MYOF: variants seen among roughly 807,000 people sequenced by gnomAD.
MYOF encodes fer-1-like 3, myoferlin.
Under a neutral mutation model 284.2 loss-of-function variants are expected in MYOF, and 244 were observed. The ratio of observed to expected loss-of-function variants is 0.86; its 90% CI spans 0.77 to 0.95. MYOF has a LOEUF of 0.95. MYOF is among the 40% of genes least tolerant of loss of function. The pLI is 0.00. For missense variants in MYOF, 2,496 were observed against 2,560.6 expected, an observed-to-expected ratio of 0.97 and a Z score of 0.54; for synonymous variants, 904 against 919.7, an observed-to-expected ratio of 0.98 and a Z score of 0.31.
Position 93,319,854 on chromosome 10 carries a change from G to C in MYOF, c.5598+18C>G. The C allele has an allele frequency of 6.2e-7, 1 of 1,613,826 alleles. No homozygotes were observed. The highest frequency in any genetic ancestry group is 8.5e-7 in the Non-Finnish European group (1 of 1,179,900). On this transcript the variant is annotated intron_variant, in intron 49 of 53. Transcript: ENST00000359263. ...GATCCATGATACCCACTTCCCAGCGGCATATTTCAGAGCTCACTTTTTTCG... is the reference window on the plus strand; with the variant it reads ...GATCCATGATACCCACTTCCCAGCGCCATATTTCAGAGCTCACTTTTTTCG...
At chr10:93,443,362 C>CTCAGT (rs939997322) in intron 3 of MYOF, among the ~76,000 whole-genome samples, 90 of 152,258 alleles carry the variant, frequency 5.9e-4, no homozygotes, top group African/African-American at 2.0e-3. Flanking sequence ...AGTTTCCTCA[C>CTCAGT]TCAGTTCTCA....
rs1197732953 is a variant in MYOF, at chr10:93,455,768, G to A, written c.144+1114C>T. On this transcript the variant is annotated intron_variant, in intron 2 of 53. Coordinates refer to ENST00000359263, the MANE Select transcript of MYOF (RefSeq NM_013451.4). ...GGGTGGGTGGAGGGGAGCCTTCATGGCCTAGTGACTTGGTGAAAATAACAA... is the reference window on the plus strand; with the variant it reads ...GGGTGGGTGGAGGGGAGCCTTCATGACCTAGTGACTTGGTGAAAATAACAA... Among the ~76,000 whole-genome samples, 5 of 152,308 alleles carry A rather than the reference G, an allele frequency of 3.3e-5. No homozygotes were observed. The East Asian group carries it at 9.6e-4, about 29-fold the overall frequency.
intron 35 of MYOF, among the ~76,000 whole-genome samples, chr10:93,350,782 G>A (rs1458358211): frequency 2.6e-5 from 4 of 152,288 alleles, no homozygotes. Context: ...TGTCTATCAA[G>A]CCACCTTGTT....
chr10:93,333,802 T>C lies in MYOF; in HGVS notation c.4675A>G (p.Ile1559Val), dbSNP rs1843462465. Residue 1559 changes from isoleucine to valine, a missense_variant, in exon 42 of 54, where the codon ATT becomes GTT. By Grantham distance (29) the Ile-to-Val change is conservative. Around this residue, in one of 3 missense-constraint regions of MYOF, gnomAD observed 2,436 missense variants for 2,480.7 expected, o/e 0.98. Coordinates refer to ENST00000359263, the MANE Select transcript of MYOF (RefSeq NM_013451.4). ...VPQECTVRIY[I>V]VRGLELQPQD... ...GGCTGGAGCTCTAAGCCTCGAACAA[T>C]GTAAATCCTAACCGTGCATTCCTGT... The C allele has an allele frequency of 3.1e-6, 5 of 1,614,116 alleles. No homozygotes were observed. The South Asian group carries it at 3.3e-5, about 11-fold the overall frequency.
Position 93,347,484 on chromosome 10 carries a change from G to A in MYOF, c.4249+133C>T, listed in dbSNP as rs1043548878. ...GGAGAATGGCGTGAACCCGGGAAGC[G>A]GAGCTTGCAGTGAGCCGAGATTGCG... On this transcript the variant is annotated intron_variant, in intron 37 of 53. Transcript: ENST00000359263. The A allele has an allele frequency of 3.2e-5, 26 of 817,502 alleles. No homozygotes were observed. The African/African-American group carries it at 3.6e-4, about 11-fold the overall frequency. The allele number at this position is 817,502 out of a possible 1,614,324, so 50.6% of individuals were successfully genotyped here.
rs1290547527 is a variant in MYOF, at chr10:93,392,946, G to T, written c.1427C>A (p.Ser476Tyr). Residue 476 changes from serine (S) to tyrosine (Y), a missense_variant, in exon 17 of 54, where the codon TCT (serine) becomes TAT (tyrosine). Ser to Tyr is a moderately radical substitution (Grantham distance 144, BLOSUM62 -2). This residue lies in a region of MYOF where 2,436 missense variants were observed against 2,480.7 expected (regional missense o/e 0.98). Transcript: ENST00000359263. ...ATATGATGCAGCCCCAGTTCCCGAA[G>T]ATGAGAAATCTATATAGTAAAAATA... ...ASGGEVEDFS[S>Y]SGTGAASYTV... 2.5e-6 allele frequency: 4 copies of T among 1,612,016 alleles called. No individual in the cohort carries two copies. The highest frequency in any genetic ancestry group is 2.5e-6 in the Non-Finnish European group (3 of 1,178,338).
At chr10:93,341,891 T>G (rs1210819656) in intron 38 of MYOF, 5 of 1,288,194 alleles carry the variant, frequency 3.9e-6, no homozygotes, top group Non-Finnish European at 1.0e-6. Flanking sequence ...GGCAGCCTCA[T>G]GCATTTGCTT....
Position 93,306,961 on chromosome 10 carries a change from TG to T in MYOF, c.*1del, listed in dbSNP as rs1227505745. The T allele has an allele frequency of 6.2e-7, 1 of 1,612,822 alleles. No individual in the cohort carries two copies. Among genetic ancestry groups the T allele is most frequent in the Non-Finnish European group, 8.5e-7 (1 of 1,179,318 alleles). On this transcript the variant is annotated 3_prime_UTR_variant, in exon 54 of 54. Coordinates refer to ENST00000359263, the MANE Select transcript of MYOF (RefSeq NM_013451.4). ...ACTCTTGAAATGAAGCCTTTGCCTTTGTTACACATTTGGCTTTACAATCTTC... is the reference window on the plus strand; with the variant it reads ...ACTCTTGAAATGAAGCCTTTGCCTTTTTACACATTTGGCTTTACAATCTTC...
chr10:93,334,420 C>CA (rs1387229569), intron 41 of MYOF, among the ~76,000 whole-genome samples: 1 of 151,878 alleles, frequency 6.6e-6, no homozygotes, highest in African/African-American at 2.4e-5. Context: ...TGGGTGCTCT[C>CA]ATCCAACCCC....
intron 5 of MYOF, among the ~76,000 whole-genome samples, chr10:93,415,897 A>G (rs1276572024): frequency 1.3e-5 from 2 of 152,324 alleles, no homozygotes; most frequent in African/African-American, 4.8e-5. Flanking sequence ...TGCCCCCTAC[A>G]GTTACTGCTC....
intron 5 of MYOF, among the ~76,000 whole-genome samples, chr10:93,417,136 C>G (rs1161847283): frequency 1.3e-5 from 2 of 152,180 alleles, no homozygotes; most frequent in African/African-American, 2.4e-5. Context: ...CTTCACAACT[C>G]CCTTGTAGGA....
At chr10:93,337,566 C>T (rs1206466405) in intron 40 of MYOF, 1 of 439,378 alleles carries the variant, frequency 2.3e-6, no homozygotes, top group East Asian at 3.6e-5. Context: ...CATTCCCAAC[C>T]ATCTGCCAGA....
chr10:93,361,174 G>C (rs1050282310), intron 28 of MYOF, among the ~76,000 whole-genome samples: 1 of 152,210 alleles, frequency 6.6e-6, no homozygotes, highest in African/African-American at 2.4e-5. Flanking sequence ...CTCACGTGCA[G>C]TTCACAATAG....
At chr10:93,465,200 C>T (rs887273659) in intron 1 of MYOF, among the ~76,000 whole-genome samples, 2 of 152,276 alleles carry the variant, frequency 1.3e-5, no homozygotes, top group Admixed American at 1.3e-4. Context: ...AGTGATGGAG[C>T]TGGGATTCAA....
Position 93,351,645 on chromosome 10 carries a change from AG to A in MYOF, c.3663+19del, listed in dbSNP as rs1332771326. On this transcript the variant is annotated intron_variant, in intron 33 of 53. Coordinates refer to ENST00000359263, the MANE Select transcript of MYOF (RefSeq NM_013451.4). ...ATCTCCATCATCCCCAAGTTATCTT[AG>A]AAATTCTAAACGACCTACCACTTGG... 2 of 1,592,534 alleles carry A rather than the reference AG, an allele frequency of 1.3e-6. No homozygotes were observed. Among genetic ancestry groups the A allele is most frequent in the South Asian group, 2.3e-5 (2 of 87,396 alleles).
intron 3 of MYOF, among the ~76,000 whole-genome samples, chr10:93,446,937 G>A (rs894707274): frequency 6.6e-6 from 1 of 151,906 alleles, no homozygotes; most frequent in African/African-American, 2.4e-5. Flanking sequence ...GGCTGTTCTC[G>A]AACTCCTGGC....
chr10:93,352,953 T>G (rs1844591505), intron 32 of MYOF, among the ~76,000 whole-genome samples: 1 of 152,216 alleles, frequency 6.6e-6, no homozygotes, highest in Non-Finnish European at 1.5e-5. Context: ...TGGTAAATAT[T>G]AGTGCTTGGA....
chr10:93,459,220 C>T (rs977625714), intron 1 of MYOF, among the ~76,000 whole-genome samples: 1 of 152,220 alleles, frequency 6.6e-6, no homozygotes, highest in Non-Finnish European at 1.5e-5. Context: ...TGACCCCACC[C>T]TTCCCTCTCC....
At chr10:93,364,780 G>T (rs1256106685) in intron 26 of MYOF, among the ~76,000 whole-genome samples, 1 of 151,694 alleles carries the variant, frequency 6.6e-6, no homozygotes, top group Non-Finnish European at 1.5e-5. Context: ...TCAAATGAGG[G>T]TTTTTTTTCC....
Sources: gnomAD v4.1 joint callset for allele counts (sites outside exome capture counted in the v4.1 genomes callset) on GRCh38, gnomAD v4.1.1 for gene constraint, gnomAD v4.1.1 regional missense constraint, MANE v1.5 for transcripts, NCBI Gene and HGNC (gene_info 2026-07-23, HGNC 2026-07-21) for gene names.